Variants in ADAMTS12 observed in about 807,000 individuals in gnomAD.
The protein encoded by ADAMTS12 is ADAM metallopeptidase with thrombospondin type 1 motif 12, also known as A disintegrin and metalloproteinase with thrombospondin motifs 12.
In ADAMTS12, 118 loss-of-function variants were observed where a neutral mutation model predicts 167.8. The ratio of observed to expected loss-of-function variants is 0.70; its 90% confidence interval spans 0.61 to 0.82. The LOEUF is 0.82. Ranked by LOEUF, ADAMTS12 falls within the 40% of genes least tolerant of loss-of-function variation. The pLI, the probability that ADAMTS12 is intolerant of heterozygous loss-of-function variation, is 0.00. For missense variants in ADAMTS12, 1,916 were observed against 1,998.8 expected (o/e 0.96, Z 0.79); for synonymous variants, 704 against 716.9 (o/e 0.98, Z 0.29).
chr5:33,723,615 C>T (rs549237115), intron 3 of ADAMTS12, among the ~76,000 whole-genome samples: 1 of 152,302 alleles, frequency 6.6e-6, no homozygotes, highest in South Asian at 2.1e-4. Flanking sequence ...CTTATCTTCT[C>T]TGCTCTCATT....
At chr5:33,732,781 G>A (rs1034323423) in intron 3 of ADAMTS12, among the ~76,000 whole-genome samples, 1 of 151,922 alleles carries the variant, frequency 6.6e-6, no homozygotes, top group Admixed American at 6.6e-5. Context: ...TTTAAAATGT[G>A]GGCAAAATTG....
At position 33,615,962 on chromosome 5, in the gene ADAMTS12, A is replaced by G. The variant is rs763360860; in HGVS notation, c.2254T>C (p.Tyr752His). 1 of 1,614,002 alleles carries G rather than the reference A, an allele frequency of 6.2e-7. No homozygotes were observed. Among genetic ancestry groups the G allele is most frequent in the South Asian group, 1.1e-5 (1 of 91,082 alleles). The change falls in exon 15 of 24, where the codon TAC (tyrosine) becomes CAC (histidine). Residue 752 changes from tyrosine to histidine, a missense_variant. Tyr to His is a moderately conservative substitution (Grantham distance 83). Transcript: ENST00000504830. Reference sequence around the variant, plus strand: ...TGGATAATAAACCCTCCATTCAGGTAATATTTTTCAGGATCTTCACTCCTG... The same window carrying G: ...TGGATAATAAACCCTCCATTCAGGTGATATTTTTCAGGATCTTCACTCCTG... The part of the protein sequence containing the change: ...AIRSEDPEKY[Y>H]LNGGFIIQWN...
At chr5:33,725,694 G>A (rs931515625) in intron 3 of ADAMTS12, among the ~76,000 whole-genome samples, 2 of 152,158 alleles carry the variant, frequency 1.3e-5, no homozygotes, top group African/African-American at 2.4e-5. Flanking sequence ...CAGACACATC[G>A]GCGAGGAAGC....
At chr5:33,663,520 C>T (rs1005561558) in intron 5 of ADAMTS12, among the ~76,000 whole-genome samples, 7 of 152,168 alleles carry the variant, frequency 4.6e-5, no homozygotes, top group East Asian at 1.9e-4. Context: ...CTTTTACATA[C>T]GCTGTCTCTT....
In ADAMTS12 at chr5:33,624,081, C is replaced by T; in HGVS notation, c.2143+150G>A. On this transcript the variant is annotated intron_variant, in intron 14 of 23. Coordinates refer to ENST00000504830, the MANE Select transcript of ADAMTS12 (RefSeq NM_030955.4). Reference sequence around the variant, plus strand: ...TACAACTGCCGAAGAACCCTTCCTCCTTTGTGGTAAAGGCTATATTCCATT... The same window carrying T: ...TACAACTGCCGAAGAACCCTTCCTCTTTTGTGGTAAAGGCTATATTCCATT... 3 of 1,236,878 alleles carry T rather than the reference C, an allele frequency of 2.4e-6. No homozygotes were observed. The South Asian group carries it at 4.5e-5, about 19-fold the overall frequency. The allele number at this position is 1,236,878 out of a possible 1,614,324, so 76.6% of individuals were successfully genotyped here.
At chr5:33,613,694 G>T (rs1200990828) in intron 16 of ADAMTS12, among the ~76,000 whole-genome samples, 1 of 152,138 alleles carries the variant, frequency 6.6e-6, no homozygotes, top group African/African-American at 2.4e-5. Context: ...CAATTTTTTT[G>T]TTCTTGTGGC....
At chr5:33,742,656 T>G (rs1210565281) in intron 3 of ADAMTS12, among the ~76,000 whole-genome samples, 2 of 152,188 alleles carry the variant, frequency 1.3e-5, no homozygotes, top group Non-Finnish European at 2.9e-5. Flanking sequence ...CATCGGACAC[T>G]AGGCTTGATA....
intron 3 of ADAMTS12, among the ~76,000 whole-genome samples, chr5:33,748,785 C>T (rs1489836174): frequency 6.6e-6 from 1 of 152,132 alleles, no homozygotes; most frequent in Non-Finnish European, 1.5e-5. Flanking sequence ...TGGTTAATGA[C>T]ACCACCACTG....
chr5:33,637,724 A>G lies in ADAMTS12; in HGVS notation c.1741T>C (p.Cys581Arg). ...NPEPKFGGKY[C>R]TGERKRYRLC... ...CGATAGCGTTTTCTTTCTCCAGTGC[A>G]ATATTTCCCTCCAAACTTTGGCCTG... The change falls in exon 12 of 24, where the codon TGC becomes CGC. Residue 581 changes from cysteine (C) to arginine (R), a missense_variant. Cys to Arg is a radical substitution (Grantham distance 180, BLOSUM62 -3). Coordinates refer to ENST00000504830, the MANE Select transcript of ADAMTS12 (RefSeq NM_030955.4). 6.2e-7 allele frequency: 1 copy of G among 1,613,230 alleles called. No homozygotes were observed. Among genetic ancestry groups the G allele is most frequent in the Non-Finnish European group, 8.5e-7 (1 of 1,179,440 alleles).
At chr5:33,542,545 A>T in intron 22 of ADAMTS12, among the ~76,000 whole-genome samples, 1 of 152,220 alleles carries the variant, frequency 6.6e-6, no homozygotes, top group East Asian at 1.9e-4. Context: ...TTCACCCCAA[A>T]TCAACAGAAG....
chr5:33,845,282 G>T (rs11949477), intron 2 of ADAMTS12, among the ~76,000 whole-genome samples: 319 of 152,242 alleles, frequency 2.1e-3, no homozygotes, highest in African/African-American at 7.2e-3. Context: ...GGAGAAAAAG[G>T]TTCCCTGAAG....
chr5:33,855,683 G>T (rs1440071199), intron 2 of ADAMTS12, among the ~76,000 whole-genome samples: 1 of 151,378 alleles, frequency 6.6e-6, no homozygotes. Context: ...TTTTTTCTCT[G>T]CATATTTATA....
At chr5:33,662,166 G>T in intron 5 of ADAMTS12, 126 bp from the exon 6 acceptor site, 2 of 1,260,584 alleles carry the variant, frequency 1.6e-6, no homozygotes, top group Non-Finnish European at 2.2e-6. Context: ...CAGACATTTG[G>T]CAGTCATGTG....
chr5:33,608,935 G>A (rs556092845), intron 16 of ADAMTS12, among the ~76,000 whole-genome samples: 10 of 152,274 alleles, frequency 6.6e-5, no homozygotes, highest in African/African-American at 2.4e-4. Context: ...TGAATTACAT[G>A]TAGGTGGGGT....
chr5:33,605,709 G>T (rs1227419886), intron 16 of ADAMTS12, among the ~76,000 whole-genome samples: 1 of 152,162 alleles, frequency 6.6e-6, no homozygotes, highest in Non-Finnish European at 1.5e-5. Flanking sequence ...ACAGAACAGA[G>T]AATAAAGAGG....
chr5:33,754,904 C>T (rs948466950), intron 2 of ADAMTS12, among the ~76,000 whole-genome samples: 1 of 152,122 alleles, frequency 6.6e-6, no homozygotes, highest in African/African-American at 2.4e-5. Flanking sequence ...GTGAATGCTT[C>T]CCAAGTCTAC....
At position 33,844,124 on chromosome 5, in the gene ADAMTS12, T is replaced by G. The variant is rs556128772; in HGVS notation, c.489+36995A>C. On this transcript the variant is annotated intron_variant, in intron 2 of 23. Coordinates refer to ENST00000504830, the MANE Select transcript of ADAMTS12 (RefSeq NM_030955.4). ...ATGCCTGTCTTTAATCTCTTAATCC[T>G]GTCATCTCGTAAGCTGAGGAGGATG... is the stretch of plus-strand genomic sequence containing the variant. Among the ~76,000 whole-genome samples, 6 of 152,336 alleles carry G rather than the reference T, an allele frequency of 3.9e-5. 1 individual carries two copies. The highest frequency in any genetic ancestry group is 1.4e-4 in the African/African-American group (6 of 41,566).
intron 19 of ADAMTS12, among the ~76,000 whole-genome samples, chr5:33,566,044 A>G (rs1356396110): frequency 5.9e-5 from 9 of 152,238 alleles, no homozygotes; most frequent in Non-Finnish European, 1.3e-4. Context: ...TATCTGGGTC[A>G]TCATACAACC....
At chr5:33,598,103 G>C (rs1738000059) in intron 16 of ADAMTS12, among the ~76,000 whole-genome samples, 1 of 152,192 alleles carries the variant, frequency 6.6e-6, no homozygotes, top group African/African-American at 2.4e-5. Context: ...GATAGGCCAG[G>C]CAGATGTCAT....
Sources: allele counts gnomAD v4.1 joint callset (sites outside exome capture counted in the v4.1 genomes callset), GRCh38; gene constraint gnomAD v4.1.1; transcripts MANE v1.5; gene names NCBI Gene and HGNC (gene_info 2026-07-23, HGNC 2026-07-21).